Variants in GTF3C2 observed in about 807,000 individuals in gnomAD.
GTF3C2 encodes general transcription factor 3C polypeptide 2.
A neutral mutation model predicts 117.4 loss-of-function variants in GTF3C2; 17 were observed. That is an observed-to-expected ratio of 0.14 (90% CI 0.10 to 0.22). GTF3C2 has a LOEUF of 0.22. GTF3C2 is among the 10% of genes least tolerant of loss of function. The pLI is 1.00. For missense variants in GTF3C2, 888 were observed against 1,143.6 expected (o/e 0.78, Z 3.22); for synonymous variants, 437 against 427.0 (o/e 1.02, Z -0.29).
At position 27,337,568 on chromosome 2, in the gene GTF3C2, CAGA is replaced by C. The variant is rs1276479192; in HGVS notation, c.951-13_951-11del. ...ATGTTTCTGCTCTCGGCTGGAGAAA[CAGA>C]AGAAGCATTAATGAAGGAGAGGGAT... On this transcript the variant is annotated splice_polypyrimidine_tract_variant and intron_variant, in intron 5 of 18. Transcript: ENST00000264720. The C allele has an allele frequency of 3.2e-6, 5 of 1,580,444 alleles. No homozygotes were observed. The highest frequency in any genetic ancestry group is 2.6e-6 in the Non-Finnish European group (3 of 1,149,506).
At chr2:27,345,323 T>C (rs1680879550) in intron 1 of GTF3C2, among the ~76,000 whole-genome samples, 1 of 152,108 alleles carries the variant, frequency 6.6e-6, no homozygotes. Flanking sequence ...CCAGGCACGG[T>C]GGCTCACACC....
chr2:27,342,502 A>G (rs1680770845), intron 3 of GTF3C2: 2 of 541,150 alleles, frequency 3.7e-6, no homozygotes, highest in Non-Finnish European at 6.6e-6. Flanking sequence ...ACCACAGTCA[A>G]AGAACACAGA....
intron 4 of GTF3C2, 116 bp downstream of exon 4, chr2:27,341,832 A>C: frequency 1.2e-6 from 1 of 857,170 alleles, no homozygotes; most frequent in East Asian, 2.5e-5. Flanking sequence ...TTTTTTCTTT[A>C]ACCTGTTTTG....
chr2:27,342,623 C>T (rs746583695), intron 3 of GTF3C2: 2 of 587,212 alleles, frequency 3.4e-6, no homozygotes, highest in African/African-American at 3.7e-5. Context: ...AAAGTACAGA[C>T]AATAATTCTT....
intron 1 of GTF3C2, 157 bp from the exon 2 acceptor site, chr2:27,343,735 T>C: frequency 1.6e-6 from 1 of 616,624 alleles, no homozygotes; most frequent in South Asian, 2.0e-5. Flanking sequence ...CTTCTATATG[T>C]CAGGACTGTT....
intron 1 of GTF3C2, among the ~76,000 whole-genome samples, chr2:27,352,842 C>T (rs1572587017): frequency 6.6e-6 from 1 of 152,118 alleles, no homozygotes; most frequent in East Asian, 1.9e-4. Flanking sequence ...TCAAGTTGAC[C>T]TCTCAGCAGC....
intron 12 of GTF3C2, among the ~76,000 whole-genome samples, chr2:27,331,988 G>T (rs1308424234): frequency 6.6e-6 from 1 of 152,080 alleles, no homozygotes; most frequent in East Asian, 1.9e-4. Flanking sequence ...AATATTATTT[G>T]TAACTTATTT....
At chr2:27,349,369 G>T (rs958021196) in intron 1 of GTF3C2, among the ~76,000 whole-genome samples, 2 of 145,948 alleles carry the variant, frequency 1.4e-5, no homozygotes, top group South Asian at 2.2e-4. Flanking sequence ...GGATGGTCTC[G>T]ATCTCCTGAC....
chr2:27,329,443 G>C lies in GTF3C2; in HGVS notation c.1813C>G (p.Pro605Ala). The stretch of plus-strand genomic sequence containing the variant: ...TCATGGGCTAGGAAACACTGGAAGG[G>C]GTAGAGCTTTAAGGAGCCATCAGAG... Residue 605 changes from proline to alanine, a missense_variant, in exon 13 of 19, where the codon CCC becomes GCC. Around this residue, in one of 7 missense-constraint regions of GTF3C2, gnomAD observed 277 missense variants for 445.4 expected, o/e 0.62. Transcript: ENST00000264720. The surrounding 1 kb of genome is among the most constrained non-coding windows in gnomAD (Gnocchi z 4.5). The C allele has an allele frequency of 6.2e-7, 1 of 1,614,114 alleles. No individual in the cohort carries two copies. The highest frequency in any genetic ancestry group is 8.5e-7 in the Non-Finnish European group (1 of 1,179,974).
chr2:27,328,931 A>C, exon 15 of GTF3C2: 3 of 1,594,142 alleles, frequency 1.9e-6, no homozygotes, highest in Non-Finnish European at 2.6e-6. Context: ...AGAGTCCATA[A>C]CTGTTAAAAG....
In GTF3C2 at chr2:27,343,151, T is replaced by G; in HGVS notation, c.248-4A>C. On this transcript the variant is annotated splice_region_variant and splice_polypyrimidine_tract_variant and intron_variant, in intron 2 of 18. Coordinates refer to ENST00000264720, the Ensembl canonical transcript of GTF3C2. ...TTTGACATCTCTGAAGAAAGATCTG[T>G]GGAGAAGAATATGGGTCTGTGAGAT... The G allele has an allele frequency of 1.3e-6, 2 of 1,561,292 alleles. No homozygotes were observed. Among genetic ancestry groups the G allele is most frequent in the Non-Finnish European group, 1.7e-6 (2 of 1,154,902 alleles).
At chr2:27,350,447 G>A (rs1681090374) in intron 1 of GTF3C2, 2 of 985,412 alleles carry the variant, frequency 2.0e-6, no homozygotes, top group Non-Finnish European at 1.2e-6. Context: ...AAAACAGTTG[G>A]TAGGAACAAG....
chr2:27,337,712 C>A, intron 5 of GTF3C2, 154 bp from the exon 6 acceptor site: 1 of 697,154 alleles, frequency 1.4e-6, no homozygotes, highest in South Asian at 1.6e-5. Flanking sequence ...TAAAATGTGG[C>A]TAGCGCAGCT....
At chr2:27,337,754 TAATTA>T in intron 5 of GTF3C2, 167 bp downstream of exon 5, 1 of 695,392 alleles carries the variant, frequency 1.4e-6, no homozygotes, top group Non-Finnish European at 2.6e-6. Context: ...TATTTCACTT[TAATTA>T]AAGAGTTCTA....
chr2:27,326,270 C>T (rs1034017689), exon 19 of GTF3C2: 26 of 472,798 alleles, frequency 5.5e-5, no homozygotes, highest in African/African-American at 3.8e-4. Flanking sequence ...AATAGTCAGA[C>T]AGGAGCCTTC....
At position 27,326,784 on chromosome 2, in the gene GTF3C2, C is replaced by T. The variant is rs911830931; in HGVS notation, c.2627G>A (p.Arg876His). ...GTGGGCTCGGCTTTCAAGCTGCATA[C>T]GGTGGCCCAGTGGGGAGGCGAGTCC... Residue 876 changes from arginine (R) to histidine (H), a missense_variant, in exon 19 of 19, where the codon CGT (arginine) becomes CAT (histidine). Arg to His is a conservative substitution (Grantham distance 29). Transcript: ENST00000264720. 9 of 1,613,658 alleles carry T rather than the reference C, an allele frequency of 5.6e-6. No homozygotes were observed. The highest frequency in any genetic ancestry group is 4.0e-5 in the African/African-American group (3 of 74,854).
intron 1 of GTF3C2, among the ~76,000 whole-genome samples, chr2:27,343,866 C>A (rs915358396): frequency 6.6e-6 from 1 of 151,820 alleles, no homozygotes; most frequent in African/African-American, 2.4e-5. Context: ...GGCAACACAG[C>A]AAGACCCCTT....
intron 12 of GTF3C2, 147 bp downstream of exon 12, chr2:27,333,508 T>C (rs1357153724): frequency 3.3e-6 from 2 of 613,462 alleles, no homozygotes; most frequent in South Asian, 2.1e-5. Flanking sequence ...TAGTGACTTA[T>C]TTCTTTCTAT....
At chr2:27,326,939 C>G (rs193107013) in intron 18 of GTF3C2, 46 bp from the exon 19 acceptor site, 2 of 1,274,448 alleles carry the variant, frequency 1.6e-6, no homozygotes, top group Non-Finnish European at 2.3e-6. Context: ...ATGGGTGGTG[C>G]TTTAGGGTGA....
Sources: allele counts gnomAD v4.1 joint callset (sites outside exome capture counted in the v4.1 genomes callset), GRCh38; gene constraint gnomAD v4.1.1; regional missense constraint gnomAD v4.1.1; non-coding constraint Gnocchi (gnomAD v3.1); transcripts MANE v1.5; gene names NCBI Gene and HGNC (gene_info 2026-07-23, HGNC 2026-07-21).